Variants in TRAPPC10 observed in about 807,000 individuals in gnomAD.
TRAPPC10 encodes trafficking protein particle complex subunit 10, also known as TRAPP 130 kDa subunit.
A neutral mutation model predicts 125.5 loss-of-function variants in TRAPPC10; 23 were observed. That is an observed-to-expected ratio of 0.18 (90% CI 0.13 to 0.26). The LOEUF (loss-of-function observed/expected upper bound fraction) is 0.26. TRAPPC10 is among the 10% of genes least tolerant of loss of function. The probability of loss-of-function intolerance (pLI) is 1.00; values close to 1 mark genes in which losing one functional copy is unlikely to be tolerated. For missense variants in TRAPPC10, 1,123 were observed against 1,308.4 expected (o/e 0.86, Z 2.19); for synonymous variants, 509 against 518.0 (o/e 0.98, Z 0.24).
intron 3 of TRAPPC10, among the ~76,000 whole-genome samples, chr21:44,038,932 G>A (rs1386338399): frequency 1.3e-5 from 2 of 152,182 alleles, no homozygotes; most frequent in East Asian, 3.9e-4. Flanking sequence ...CTCTGCCGGA[G>A]ACTCTGTACC....
At chr21:44,079,749 T>C in intron 12 of TRAPPC10, 45 bp downstream of exon 12, 1 of 1,582,912 alleles carries the variant, frequency 6.3e-7, no homozygotes, top group African/African-American at 1.4e-5. Context: ...ATTTTCTGTT[T>C]ATACGGCAAC....
At chr21:44,018,876 G>A (rs985075569) in intron 1 of TRAPPC10, among the ~76,000 whole-genome samples, 6 of 152,014 alleles carry the variant, frequency 3.9e-5, no homozygotes, top group African/African-American at 1.2e-4. Context: ...TTTTGTCGTA[G>A]GAAAGTTTGT....
At chr21:44,025,824 GTGTGTGT>G (rs2032994897) in intron 1 of TRAPPC10, among the ~76,000 whole-genome samples, 19 of 1,534 alleles carry the variant, frequency 0.012, 1 homozygote, top group African/African-American at 0.027. Flanking sequence ...GGGCAGGGGT[GTGTGTGT>G]GTGTGTGTGT....
intron 5 of TRAPPC10, among the ~76,000 whole-genome samples, chr21:44,058,246 A>G (rs905249186): frequency 7.9e-5 from 12 of 152,114 alleles, no homozygotes; most frequent in African/African-American, 2.9e-4. Context: ...TTGGAGAGCA[A>G]GCCATGTGGG....
At chr21:44,042,230 G>A (rs752753870) in intron 3 of TRAPPC10, among the ~76,000 whole-genome samples, 21 of 151,780 alleles carry the variant, frequency 1.4e-4, no homozygotes, top group East Asian at 3.9e-4. Context: ...GTTTTCGGGC[G>A]TTTGAAATGC....
chr21:44,041,079 A>G (rs2034382183), intron 3 of TRAPPC10, among the ~76,000 whole-genome samples: 1 of 152,064 alleles, frequency 6.6e-6, no homozygotes, highest in South Asian at 2.1e-4. Context: ...CTTTTGTTTT[A>G]TGCTCTTTTT....
chr21:44,090,235 G>A lies in TRAPPC10; in HGVS notation c.2870+302G>A, dbSNP rs186249798. On this transcript the variant is annotated intron_variant, in intron 18 of 22. Coordinates refer to ENST00000291574, the MANE Select transcript of TRAPPC10 (RefSeq NM_003274.5). ...CTTTCTTCCCTGTTTTCAAGCCATC[G>A]ACTTGTTCACTTGCAGGCCAGGTTT... Among the ~76,000 whole-genome samples the A allele has an allele frequency of 4.3e-3, 656 of 151,748 alleles. 3 individuals are homozygous for A. The highest frequency in any genetic ancestry group is 6.2e-3 in the Non-Finnish European group (419 of 68,024).
At chr21:44,029,304 C>G (rs1414386345) in intron 1 of TRAPPC10, among the ~76,000 whole-genome samples, 1 of 152,108 alleles carries the variant, frequency 6.6e-6, no homozygotes, top group Non-Finnish European at 1.5e-5. Context: ...CCGTGTTGTC[C>G]AGGATGATCT....
At position 44,052,349 on chromosome 21, in the gene TRAPPC10, A is replaced by G; in HGVS notation, c.355A>G (p.Ser119Gly). ...TKWQNVLKAHSSVDWLIVIVE... is the reference protein window; with the variant it reads ...TKWQNVLKAHGSVDWLIVIVE... ...GTGGCAGAATGTTCTGAAGGCTCATAGCTCTGTGGACTGGTTAATAGTGAT... is the reference window on the plus strand; with the variant it reads ...GTGGCAGAATGTTCTGAAGGCTCATGGCTCTGTGGACTGGTTAATAGTGAT... Residue 119 changes from serine (S) to glycine (G), a missense_variant, in exon 4 of 23, where the codon AGC becomes GGC. Ser to Gly is a moderately conservative substitution (Grantham distance 56). This residue lies in a region of TRAPPC10 where 177 missense variants were observed against 228.9 expected (regional missense o/e 0.77). Coordinates refer to ENST00000291574, the MANE Select transcript of TRAPPC10 (RefSeq NM_003274.5). The G allele has an allele frequency of 1.2e-6, 2 of 1,613,450 alleles. No homozygotes were observed. The highest frequency in any genetic ancestry group is 1.7e-6 in the Non-Finnish European group (2 of 1,179,856).
At chr21:44,018,046 T>C (rs2032070088) in intron 1 of TRAPPC10, among the ~76,000 whole-genome samples, 1 of 152,134 alleles carries the variant, frequency 6.6e-6, no homozygotes, top group Non-Finnish European at 1.5e-5. Flanking sequence ...AAAAGCTTCC[T>C]TTCTTTTCAG....
At chr21:44,049,171 C>T (rs995685217) in intron 3 of TRAPPC10, among the ~76,000 whole-genome samples, 1 of 152,098 alleles carries the variant, frequency 6.6e-6, no homozygotes, top group Non-Finnish European at 1.5e-5. Flanking sequence ...GTGTGTACAC[C>T]CACACGTGTA....
intron 3 of TRAPPC10, among the ~76,000 whole-genome samples, chr21:44,050,781 T>C (rs559460713): frequency 1.4e-3 from 210 of 152,376 alleles, no homozygotes; most frequent in African/African-American, 5.0e-3. Flanking sequence ...GATTGTATGA[T>C]ATTTGTAATT....
chr21:44,083,417 C>T, intron 14 of TRAPPC10, 115 bp downstream of exon 14: 2 of 1,176,068 alleles, frequency 1.7e-6, no homozygotes, highest in South Asian at 3.0e-5. Flanking sequence ...TCTCCTAACC[C>T]TGTTTTTGTC....
At chr21:44,089,507 C>T (rs998584654) in intron 17 of TRAPPC10, 1 of 483,302 alleles carries the variant, frequency 2.1e-6, no homozygotes, top group Admixed American at 2.3e-5. Flanking sequence ...ATGCATGGCT[C>T]CGCGGCCCTG....
At chr21:44,044,660 CTTTTT>C (rs34356064) in intron 3 of TRAPPC10, among the ~76,000 whole-genome samples, 1 of 86,332 alleles carries the variant, frequency 1.2e-5, no homozygotes, top group Non-Finnish European at 2.1e-5. Flanking sequence ...AAAATCATGT[CTTTTT>C]TTTTTTTTTT....
intron 1 of TRAPPC10, among the ~76,000 whole-genome samples, chr21:44,017,579 CAA>C (rs1198734029): frequency 5.9e-5 from 9 of 151,908 alleles, no homozygotes; most frequent in Admixed American, 3.3e-4. Context: ...TATGTCCTAA[CAA>C]GAGCTGTTTG....
At position 44,087,662 on chromosome 21, in the gene TRAPPC10, G is replaced by A; in HGVS notation, c.2540-37G>A. 6.3e-7 allele frequency: 1 copy of A among 1,582,254 alleles called. No individual in the cohort carries two copies. On this transcript the variant is annotated intron_variant, in intron 16 of 22. Coordinates refer to ENST00000291574, the MANE Select transcript of TRAPPC10 (RefSeq NM_003274.5). The surrounding 1 kb of genome is among the most constrained non-coding windows in gnomAD (Gnocchi z 4.6). The stretch of plus-strand genomic sequence containing the variant: ...AAGGAAAAGGACAAGTGAAACCGAG[G>A]GAACAGCTTTGAAGTGACTTTTTCT...
rs184373102 is a variant in TRAPPC10, at chr21:44,014,746, G to A, written c.67+2186G>A. ...CTTGGCCTCAAGCAACATAGTGAAT[G>A]TTAATCTCTGCATGGATGGTACACT... On this transcript the variant is annotated intron_variant, in intron 1 of 22. Coordinates refer to ENST00000291574, the MANE Select transcript of TRAPPC10 (RefSeq NM_003274.5). 2.0e-5 allele frequency among the ~76,000 whole-genome samples: 3 copies of A among 152,194 alleles called. No individual in the cohort carries two copies. In the East Asian group the frequency reaches 5.8e-4, roughly 29 times the overall value.
intron 12 of TRAPPC10, 35 bp from the exon 13 acceptor site, chr21:44,079,980 T>C: frequency 6.3e-7 from 1 of 1,577,600 alleles, no homozygotes. Context: ...CTCCTAAGTA[T>C]GAGCCTCTCC....
Sources: allele counts gnomAD v4.1 joint callset (sites outside exome capture counted in the v4.1 genomes callset), GRCh38; gene constraint gnomAD v4.1.1; regional missense constraint gnomAD v4.1.1; non-coding constraint Gnocchi (gnomAD v3.1); transcripts MANE v1.5; gene names NCBI Gene and HGNC (gene_info 2026-07-23, HGNC 2026-07-21).